Variants in DDHD1 observed in about 807,000 individuals in gnomAD.
DDHD1 encodes the protein phospholipase DDHD1.
A neutral mutation model predicts 96.4 loss-of-function variants in DDHD1; 49 were observed. The ratio of observed to expected loss-of-function variants is 0.51; its 90% CI spans 0.40 to 0.64. The LOEUF is 0.64. DDHD1 is among the 30% of genes least tolerant of loss of function. The pLI, the probability that DDHD1 is intolerant of heterozygous loss-of-function variation, is 0.00. For synonymous variants in DDHD1, 442 were observed against 446.5 expected, an observed-to-expected ratio of 0.99 and a Z score of 0.13; for missense variants, 1,106 against 1,161.2, an observed-to-expected ratio of 0.95 and a Z score of 0.69.
At chr14:53,130,202 T>G (rs185996149) in intron 1 of DDHD1, among the ~76,000 whole-genome samples, 250 of 152,274 alleles carry the variant, frequency 1.6e-3, no homozygotes, top group Non-Finnish European at 2.8e-3. Flanking sequence ...CGGTCTAGAT[T>G]ACAGTTTTGT....
intron 1 of DDHD1, among the ~76,000 whole-genome samples, chr14:53,109,066 G>A (rs868377494): frequency 6.6e-6 from 1 of 152,126 alleles, no homozygotes; most frequent in Non-Finnish European, 1.5e-5. Context: ...AAAGAGGAGC[G>A]CCTATAATGG....
chr14:53,069,424 T>TGCTC (rs1485907192), intron 6 of DDHD1, among the ~76,000 whole-genome samples: 2 of 152,238 alleles, frequency 1.3e-5, no homozygotes, highest in Non-Finnish European at 2.9e-5. Context: ...TTTCCAACAG[T>TGCTC]GCTCACTTCA....
intron 4 of DDHD1, among the ~76,000 whole-genome samples, chr14:53,079,526 C>G (rs1266110292): frequency 6.6e-6 from 1 of 152,290 alleles, no homozygotes; most frequent in Non-Finnish European, 1.5e-5. Context: ...TCCATTTAAT[C>G]TAGGTTATAT....
At chr14:53,106,649 C>CA (rs936294098) in intron 1 of DDHD1, among the ~76,000 whole-genome samples, 7 of 149,384 alleles carry the variant, frequency 4.7e-5, no homozygotes, top group African/African-American at 1.2e-4. Flanking sequence ...AGAGTGAGAC[C>CA]AAAAAAAAAT....
chr14:53,058,744 C>T (rs908434328), intron 8 of DDHD1, 118 bp from the exon 9 acceptor site: 7 of 923,722 alleles, frequency 7.6e-6, no homozygotes, highest in African/African-American at 6.7e-5. Context: ...TGAGTATATT[C>T]GTTTTTAATA....
chr14:53,120,996 T>C (rs904291197), intron 1 of DDHD1, among the ~76,000 whole-genome samples: 5 of 151,826 alleles, frequency 3.3e-5, no homozygotes, highest in African/African-American at 1.2e-4. Context: ...ATCATCAGAG[T>C]GAACAGGCAA....
At position 53,055,757 on chromosome 14, in the gene DDHD1, T is replaced by TTCA; in HGVS notation, c.2145_2147dup (p.Asn715_Glu716insAsp). ...CAGGGCTTGGTATGGTTGAAATGCC[T>TTCA]TCATTCTCTGAAACTGAGGTAGGTT... On this transcript the variant is annotated inframe_insertion, in exon 10 of 13. Transcript: ENST00000673822. 6.2e-7 allele frequency: 1 copy of TTCA among 1,614,152 alleles called. No individual in the cohort carries two copies. The highest frequency in any genetic ancestry group is 1.3e-5 in the African/African-American group (1 of 75,056).
chr14:53,117,534 G>A (rs1466636422), intron 1 of DDHD1, among the ~76,000 whole-genome samples: 1 of 152,200 alleles, frequency 6.6e-6, no homozygotes. Context: ...ACGGAGCCTT[G>A]CTCACTGCTA....
At chr14:53,093,087 A>C in intron 3 of DDHD1, 1 of 279,248 alleles carries the variant, frequency 3.6e-6, no homozygotes, top group African/African-American at 2.2e-5. Context: ...AGAAGTATAA[A>C]AGATATTTAT....
chr14:53,060,572 A>G (rs1229370439), intron 8 of DDHD1, among the ~76,000 whole-genome samples: 1 of 152,144 alleles, frequency 6.6e-6, no homozygotes, highest in Non-Finnish European at 1.5e-5. Context: ...ATCATTACTC[A>G]TATACTTCCT....
chr14:53,073,984 T>A, intron 4 of DDHD1, 137 bp from the exon 5 acceptor site: 2 of 683,900 alleles, frequency 2.9e-6, no homozygotes. Context: ...TTCCAGTGAC[T>A]ACCACACTAA....
chr14:53,100,038 C>T (rs1012159632), intron 2 of DDHD1, among the ~76,000 whole-genome samples: 1 of 151,790 alleles, frequency 6.6e-6, no homozygotes, highest in Non-Finnish European at 1.5e-5. Context: ...TTCAACCAAC[C>T]ACAGACCAAA....
Position 53,073,752 on chromosome 14 carries a change from G to C in DDHD1, c.1385C>G (p.Thr462Ser). ...TTAAATAAATATACCTCCATCAAGA[G>C]TAAGTTTTGACCGCCACTCAACAGG... ...FLPVEWRSKL[T>S]LDGDTVDSIT... The change falls in exon 5 of 13, where the codon ACT (threonine) becomes AGT (serine). Residue 462 changes from threonine (T) to serine (S), a missense_variant. By Grantham distance (58) the Thr-to-Ser change is moderately conservative (BLOSUM62 1). Transcript: ENST00000673822. 6.2e-7 allele frequency: 1 copy of C among 1,607,148 alleles called. No individual in the cohort carries two copies. Among genetic ancestry groups the C allele is most frequent in the African/African-American group, 1.3e-5 (1 of 74,652 alleles).
At position 53,116,862 on chromosome 14, in the gene DDHD1, T is replaced by C. The variant is rs147674651; in HGVS notation, c.839-13006A>G. Among the ~76,000 whole-genome samples, 427 of 151,854 alleles carry C rather than the reference T, an allele frequency of 2.8e-3. 1 individual carries two copies. The highest frequency in any genetic ancestry group is 9.8e-3 in the African/African-American group (408 of 41,442). ...TTCAAAAGCTGGCAGAAGCAAGAAA[T>C]AGAGCAGAACTAAAGGAGATAGAGG... On this transcript the variant is annotated intron_variant, in intron 1 of 12. Coordinates refer to ENST00000673822, the MANE Select transcript of DDHD1 (RefSeq NM_001160148.2).
At chr14:53,085,013 C>T (rs1254668612) in intron 4 of DDHD1, among the ~76,000 whole-genome samples, 1 of 152,254 alleles carries the variant, frequency 6.6e-6, no homozygotes, top group African/African-American at 2.4e-5. Flanking sequence ...CAGAGCCTTG[C>T]TCATTGCTAG....
chr14:53,063,779 C>T (rs1396067476), intron 6 of DDHD1, among the ~76,000 whole-genome samples: 1 of 152,026 alleles, frequency 6.6e-6, no homozygotes, highest in Non-Finnish European at 1.5e-5. Context: ...GTTGGCAATA[C>T]AGATATAAAA....
intron 11 of DDHD1, chr14:53,052,448 T>C (rs1279597253): frequency 6.6e-6 from 1 of 152,148 alleles, no homozygotes; most frequent in Non-Finnish European, 1.5e-5. Flanking sequence ...CTGAGGCAAT[T>C]AATGTAAGTA....
Position 53,041,485 on chromosome 14 carries a change from T to C in DDHD1, c.*5283A>G, listed in dbSNP as rs1264092258. On this transcript the variant is annotated 3_prime_UTR_variant, in exon 13 of 13. Coordinates refer to ENST00000673822, the MANE Select transcript of DDHD1 (RefSeq NM_001160148.2). ...GTACTTAAATTTTAAATTTCTGAGT[T>C]AACCTATGTTGGAACAGTTTTGGAG... The C allele has an allele frequency of 6.6e-6, 1 of 152,200 alleles. No homozygotes were observed. 9.4% of individuals were successfully genotyped at this position (152,200 alleles called of 1,614,324 possible).
In DDHD1 at chr14:53,153,025, T is replaced by A; in HGVS notation, c.74A>T (p.Glu25Val). 1.3e-6 allele frequency: 2 copies of A among 1,499,036 alleles called. No individual in the cohort carries two copies. Among genetic ancestry groups the A allele is most frequent in the East Asian group, 2.8e-5 (1 of 35,922 alleles). The allele number at this position is 1,499,036 out of a possible 1,614,324, so 92.9% of individuals were successfully genotyped here. A position where few individuals can be genotyped will look rare whatever the true frequency, so the allele number is the denominator to read the frequency against. Reference protein sequence around the residue: ...NGRGGGGGAWELGSDARPAFG... With the variant: ...NGRGGGGGAWVLGSDARPAFG... ...CGCTGGCCTCGCGTCTGAGCCCAGC[T>A]CCCAGGCGCCGCCGCCGCCGCCTCG... The change falls in exon 1 of 13, where the codon GAG (glutamate) becomes GTG (valine). Residue 25 changes from glutamate (E) to valine (V), a missense_variant. Around this residue, in one of 2 missense-constraint regions of DDHD1, gnomAD observed 456 missense variants for 402.4 expected, o/e 1.13. Coordinates refer to ENST00000673822, the MANE Select transcript of DDHD1 (RefSeq NM_001160148.2).
Sources: gnomAD v4.1 joint callset for allele counts (sites outside exome capture counted in the v4.1 genomes callset) on GRCh38, gnomAD v4.1.1 for gene constraint, gnomAD v4.1.1 regional missense constraint, MANE v1.5 for transcripts, NCBI Gene and HGNC (gene_info 2026-07-23, HGNC 2026-07-21) for gene names.